The following ADH5 variants were observed in gnomAD, a reference collection of about 807,000 sequenced individuals.
ADH5 encodes the protein alcohol dehydrogenase 5 (class III), chi polypeptide.
In ADH5, 32 loss-of-function variants were observed where a neutral mutation model predicts 40.3. The ratio of observed to expected loss-of-function variants is 0.79; its 90% confidence interval spans 0.60 to 1.07. The LOEUF (loss-of-function observed/expected upper bound fraction) is 1.07. Ranked by LOEUF, ADH5 falls within the 50% of genes least tolerant of loss-of-function variation. The pLI is 0.00. For synonymous variants in ADH5, 125 were observed against 154.3 expected (o/e 0.81, Z 1.41); for missense variants, 353 against 460.5 (o/e 0.77, Z 2.14).
rs1166103346 is a variant in ADH5, at chr4:99,076,564, G to A, written c.565-12C>T. 10 of 1,610,680 alleles carry A rather than the reference G, an allele frequency of 6.2e-6. No homozygotes were observed. In the African/African-American group the frequency reaches 9.4e-5, roughly 15 times the overall value. Reference sequence around the variant, plus strand: ...GAGCCAGGCTCCAACTAGGAGTAAAGAAAGTTTATAAAGTACTCATTCTAC... The same window carrying A: ...GAGCCAGGCTCCAACTAGGAGTAAAAAAAGTTTATAAAGTACTCATTCTAC... On this transcript the variant is annotated splice_polypyrimidine_tract_variant and intron_variant, in intron 5 of 8. Transcript: ENST00000296412.
intron 1 of ADH5, among the ~76,000 whole-genome samples, chr4:99,087,615 A>C (rs1273348148): frequency 6.6e-6 from 1 of 152,230 alleles, no homozygotes; most frequent in Non-Finnish European, 1.5e-5. Flanking sequence ...CAAAGAAACA[A>C]GAATACTAAA....
intron 6 of ADH5, chr4:99,076,067 A>G: frequency 3.8e-6 from 2 of 525,010 alleles, no homozygotes; most frequent in Non-Finnish European, 6.8e-6. Context: ...TGAGACATGC[A>G]CTTAGCAGGC....
intron 4 of ADH5, among the ~76,000 whole-genome samples, chr4:99,079,210 C>G (rs540842457): frequency 6.6e-6 from 1 of 152,290 alleles, no homozygotes; most frequent in East Asian, 1.9e-4. Flanking sequence ...AAGAATGTTC[C>G]TAGCAGCATT....
rs1414910969 is a variant in ADH5, at chr4:99,072,429, A to T, written c.1113T>A (p.Val371=). The T allele has an allele frequency of 1.2e-6, 2 of 1,613,168 alleles. No homozygotes were observed. The highest frequency in any genetic ancestry group is 2.7e-5 in the African/African-American group (2 of 74,912). ...TTTCTCTTTTGAATTAAATCTTTACAACAGTTCGAATGCTGTAAAAGGAAG... is the reference window on the plus strand; with the variant it reads ...TTTCTCTTTTGAATTAAATCTTTACTACAGTTCGAATGCTGTAAAAGGAAG... ...LMHSGKSIRT[V]VKI is the part of the protein sequence containing the mutation. The change falls in exon 9 of 9, where the codon GTT becomes GTA. Residue 371 remains valine (V), a synonymous_variant. Coordinates refer to ENST00000296412, the MANE Select transcript of ADH5 (RefSeq NM_000671.4).
intron 6 of ADH5, 58 bp from the exon 7 acceptor site, chr4:99,075,107 C>G (rs531695390): frequency 7.1e-7 from 1 of 1,410,948 alleles, no homozygotes; most frequent in Admixed American, 2.4e-5. Flanking sequence ...CTGAGAACAA[C>G]TGCTGGCGAA....
intron 1 of ADH5, among the ~76,000 whole-genome samples, chr4:99,087,842 G>T (rs1728178196): frequency 6.6e-6 from 1 of 152,198 alleles, no homozygotes; most frequent in African/African-American, 2.4e-5. Context: ...CTGAAAGACT[G>T]TTTAGAGTTT....
At chr4:99,078,169 C>T (rs1727963388) in intron 4 of ADH5, among the ~76,000 whole-genome samples, 1 of 152,090 alleles carries the variant, frequency 6.6e-6, no homozygotes, top group African/African-American at 2.4e-5. Flanking sequence ...AAGTGATCCT[C>T]CTGCATCTCA....
At chr4:99,073,750 T>G (rs1727873216) in intron 7 of ADH5, among the ~76,000 whole-genome samples, 1 of 152,176 alleles carries the variant, frequency 6.6e-6, no homozygotes, top group Non-Finnish European at 1.5e-5. Context: ...TTCTATTATC[T>G]TTAGATCAGC....
At chr4:99,087,562 C>G (rs146326387) in intron 1 of ADH5, among the ~76,000 whole-genome samples, 157 of 152,286 alleles carry the variant, frequency 1.0e-3, no homozygotes, top group Non-Finnish European at 1.6e-3. Flanking sequence ...CTCCACAAGT[C>G]AGATTCAGAA....
intron 2 of ADH5, among the ~76,000 whole-genome samples, chr4:99,084,430 G>C (rs369133342): frequency 6.6e-6 from 1 of 152,186 alleles, no homozygotes. Flanking sequence ...CCAGTGCCAC[G>C]AGTTTACAAA....
intron 2 of ADH5, among the ~76,000 whole-genome samples, chr4:99,084,498 G>A (rs1195593027): frequency 1.3e-5 from 2 of 152,202 alleles, no homozygotes; most frequent in African/African-American, 4.8e-5. Flanking sequence ...GGAATCCTTA[G>A]TTCTGGGAAT....
At position 99,085,145 on chromosome 4, in the gene ADH5, T is replaced by A; in HGVS notation, c.84A>T (p.Ala28=). The part of the protein sequence containing the change: ...KPLSIEEIEV[A]PPKAHEVRIK... ...TTCGAACTTCATGAGCCTTTGGGGG[T>A]GCCACCTCTATCTCCTCTATGGAGA... The change falls in exon 2 of 9, where the codon GCA becomes GCT. Residue 28 remains alanine, a synonymous_variant. Coordinates refer to ENST00000296412, the MANE Select transcript of ADH5 (RefSeq NM_000671.4). 6.5e-7 allele frequency: 1 copy of A among 1,538,520 alleles called. No homozygotes were observed. The highest frequency in any genetic ancestry group is 8.8e-7 in the Non-Finnish European group (1 of 1,141,448).
At chr4:99,081,609 ACC>A in intron 3 of ADH5, 157 bp from the exon 4 acceptor site, 1 of 603,958 alleles carries the variant, frequency 1.7e-6, no homozygotes, top group Non-Finnish European at 3.0e-6. Flanking sequence ...ATACTGTCTG[ACC>A]ATGCAAAAAG....
In ADH5 at chr4:99,079,708, T is replaced by C. The variant is rs1727992311; in HGVS notation, c.344+1657A>G. ...TTCCTCAAAGAGGTAGTTCTTTCAG[T>C]GTTGTTACCTAGTACAATAAAAACA... is the stretch of plus-strand genomic sequence containing the variant. On this transcript the variant is annotated intron_variant, in intron 4 of 8. Transcript: ENST00000296412. 2.2e-5 allele frequency: 5 copies of C among 226,544 alleles called. 1 individual carries two copies. Among genetic ancestry groups the C allele is most frequent in the Non-Finnish European group, 4.4e-5 (5 of 113,914 alleles). 14.0% of individuals were successfully genotyped at this position (226,544 alleles called of 1,614,324 possible).
intron 3 of ADH5, 28 bp downstream of exon 3, chr4:99,081,947 A>G (rs569053156): frequency 6.2e-7 from 1 of 1,611,344 alleles, no homozygotes; most frequent in Admixed American, 1.7e-5. Flanking sequence ...CAAAATTATT[A>G]AACAAGTGGT....
rs771204883 is a variant in ADH5 at position 99,076,455 on chromosome 4, C to T, written c.662G>A (p.Gly221Asp). ...CKVAGASRII[G>D]VDINKDKFAR... ...AAATTTATCTTTATTGATGTCCACA[C>T]CAATGATCCGGGAAGCACCAGCCAC... Residue 221 changes from glycine (G) to aspartate (D), a missense_variant, in exon 6 of 9, where the codon GGT (glycine) becomes GAT (aspartate). Gly to Asp is a moderately conservative substitution (Grantham distance 94). Coordinates refer to ENST00000296412, the MANE Select transcript of ADH5 (RefSeq NM_000671.4). The T allele has an allele frequency of 6.2e-7, 1 of 1,614,164 alleles. No homozygotes were observed.
chr4:99,079,107 T>C (rs28730611), intron 4 of ADH5, among the ~76,000 whole-genome samples: 3,557 of 152,318 alleles, frequency 0.023, 62 homozygotes, highest in Non-Finnish European at 0.037. Context: ...ACGAGAGAGC[T>C]GTAGATGCAT....
chr4:99,086,666 C>G (rs552247678), intron 1 of ADH5, among the ~76,000 whole-genome samples: 1 of 151,928 alleles, frequency 6.6e-6, no homozygotes, highest in African/African-American at 2.4e-5. Flanking sequence ...AGTCCCTGGC[C>G]GGGCGCGGTG....
At chr4:99,079,409 C>CTT (rs1727985820) in intron 4 of ADH5, among the ~76,000 whole-genome samples, 1 of 129,714 alleles carries the variant, frequency 7.7e-6, no homozygotes, top group Non-Finnish European at 1.6e-5. Flanking sequence ...CTGCATGACT[C>CTT]TATTTATACA....
Sources: allele counts gnomAD v4.1 joint callset (sites outside exome capture counted in the v4.1 genomes callset), GRCh38; gene constraint gnomAD v4.1.1; transcripts MANE v1.5; gene names NCBI Gene and HGNC (gene_info 2026-07-23, HGNC 2026-07-21).